The following KLF8 variants were observed in gnomAD, a reference collection of about 807,000 sequenced individuals.
KLF8 encodes the protein KLF transcription factor 8.
Under a neutral mutation model 18.2 loss-of-function variants are expected in KLF8, and 10 were observed. The observed-to-expected ratio is 0.55, with a 90% CI of 0.34 to 0.93. KLF8 has a LOEUF of 0.93. Among genes scored for constraint, KLF8 ranks in the 40% least tolerant of loss-of-function variants. The pLI is 0.02. For synonymous variants in KLF8, 109 were observed against 97.3 expected (o/e 1.12, Z -0.71); for missense variants, 264 against 277.9 (o/e 0.95, Z 0.36).
At chrX:56,104,597 TTCTC>T in the KLF8 span, among the ~76,000 whole-genome samples, 2 of 111,920 alleles carry the variant, frequency 1.8e-5, no homozygotes, top group Non-Finnish European at 3.8e-5. Flanking sequence ...TATTTGATTC[TTCTC>T]TCTTTTATTC....
At chrX:56,218,633 C>G in the KLF8 span, among the ~76,000 whole-genome samples, 8 of 112,156 alleles carry the variant, frequency 7.1e-5, no homozygotes, top group African/African-American at 2.6e-4. Flanking sequence ...CTGATACATA[C>G]AATTGCTATC....
the KLF8 span, among the ~76,000 whole-genome samples, chrX:56,024,237 T>G: frequency 1.9e-5 from 2 of 104,900 alleles, no homozygotes; most frequent in Non-Finnish European, 3.9e-5. Flanking sequence ...GGAGTTAGAG[T>G]CTCTCTGTCA....
chrX:55,987,625 A>T, the KLF8 span, among the ~76,000 whole-genome samples: 1 of 112,053 alleles, frequency 8.9e-6, no homozygotes, highest in South Asian at 3.7e-4. Flanking sequence ...GTTGGATCCA[A>T]GGCTTTGCTA....
the KLF8 span, among the ~76,000 whole-genome samples, chrX:56,128,966 GGA>G: frequency 0.53 from 57,704 of 109,178 alleles, 13,647 homozygotes; most frequent in Non-Finnish European, 0.73. Context: ...GTGTAATCAG[GGA>G]GAGAGAGAGA....
the KLF8 span, among the ~76,000 whole-genome samples, chrX:55,968,139 C>T: frequency 9.1e-6 from 1 of 110,230 alleles, no homozygotes; most frequent in African/African-American, 3.3e-5. Flanking sequence ...TGGATATTTA[C>T]AAGAGAATCA....
the KLF8 span, among the ~76,000 whole-genome samples, chrX:56,029,253 C>G: frequency 1.8e-5 from 2 of 110,913 alleles, no homozygotes; most frequent in Non-Finnish European, 3.8e-5. Context: ...CCATAAGGAC[C>G]ATGATAACTC....
chrX:55,959,692 A>G, the KLF8 span, among the ~76,000 whole-genome samples: 1 of 111,808 alleles, frequency 8.9e-6, no homozygotes, highest in Admixed American at 9.5e-5. Flanking sequence ...TGCAGTCAGA[A>G]TAAAAAAAGA....
the KLF8 span, among the ~76,000 whole-genome samples, chrX:56,028,974 C>G: frequency 9.0e-6 from 1 of 110,755 alleles, no homozygotes; most frequent in South Asian, 3.9e-4. Flanking sequence ...GGGGGGTGTT[C>G]CATGGAGACT....
chrX:56,039,538 C>A, the KLF8 span, among the ~76,000 whole-genome samples: 2 of 111,627 alleles, frequency 1.8e-5, no homozygotes, highest in Admixed American at 1.9e-4. Context: ...AGTCTTATTT[C>A]TGAGTATCTA....
At chrX:56,159,228 G>A in the KLF8 span, among the ~76,000 whole-genome samples, 1 of 111,915 alleles carries the variant, frequency 8.9e-6, no homozygotes, top group South Asian at 3.8e-4. Flanking sequence ...TGCATCCCAG[G>A]GATGAAGCCC....
chrX:56,070,979 C>G, the KLF8 span, among the ~76,000 whole-genome samples: 18 of 111,762 alleles, frequency 1.6e-4, no homozygotes, highest in Non-Finnish European at 3.4e-4. Context: ...TTATGTTCCT[C>G]TAGTATACAA....
chrX:56,070,752 G>A, the KLF8 span, among the ~76,000 whole-genome samples: 2 of 112,311 alleles, frequency 1.8e-5, no homozygotes, highest in East Asian at 2.8e-4. Flanking sequence ...AAACCAGCAC[G>A]TTCTGCACAT....
At chrX:56,046,830 T>G in the KLF8 span, among the ~76,000 whole-genome samples, 1 of 111,621 alleles carries the variant, frequency 9.0e-6, no homozygotes, top group Non-Finnish European at 1.9e-5. Flanking sequence ...GTTTTGACTT[T>G]ACATAACCTG....
chrX:56,002,911 A>G, the KLF8 span, among the ~76,000 whole-genome samples: 1 of 112,535 alleles, frequency 8.9e-6, no homozygotes, highest in African/African-American at 3.2e-5. Context: ...AGAATATCCA[A>G]TGCTACAAAA....
chrX:56,160,376 G>T, the KLF8 span, among the ~76,000 whole-genome samples: 64 of 111,721 alleles, frequency 5.7e-4, no homozygotes, highest in South Asian at 0.02. Context: ...TTGATTTGGG[G>T]TGGAGAGTTC....
At chrX:55,929,622 G>A in the KLF8 span, among the ~76,000 whole-genome samples, 9,427 of 111,249 alleles carry the variant, frequency 0.085, 978 homozygotes, top group African/African-American at 0.3. Flanking sequence ...TATTAAACAG[G>A]GAATCCTATC....
the KLF8 span, among the ~76,000 whole-genome samples, chrX:56,070,399 A>G: frequency 1.8e-5 from 2 of 109,373 alleles, no homozygotes; most frequent in African/African-American, 6.7e-5. Context: ...CAGGTGTCCC[A>G]AATCTTAAAG....
the KLF8 span, among the ~76,000 whole-genome samples, chrX:56,075,401 G>T: frequency 1.4e-4 from 15 of 110,415 alleles, no homozygotes; most frequent in Admixed American, 3.9e-4. Flanking sequence ...TACATAGTAG[G>T]TGTATGTATT....
chrX:55,942,280 C>A, the KLF8 span, among the ~76,000 whole-genome samples: 4 of 110,159 alleles, frequency 3.6e-5, no homozygotes, highest in East Asian at 5.8e-4. Flanking sequence ...AAAAACCAAA[C>A]ACCGCATTTT....
Sources: allele counts gnomAD v4.1 joint callset (sites outside exome capture counted in the v4.1 genomes callset), GRCh38; gene constraint gnomAD v4.1.1; transcripts MANE v1.5; gene names NCBI Gene and HGNC (gene_info 2026-07-23, HGNC 2026-07-21).